NDEL1: variants seen among roughly 807,000 people sequenced by gnomAD.
NDEL1 encodes nuclear distribution protein nudE-like 1.
In NDEL1, 9 loss-of-function variants were observed where a neutral mutation model predicts 45.7. The observed-to-expected ratio is 0.20, with a 90% CI of 0.12 to 0.34. NDEL1 has a LOEUF of 0.34. NDEL1 is among the 10% of genes least tolerant of loss of function. NDEL1 has a pLI of 1.00. For missense variants in NDEL1, 306 were observed against 406.2 expected (o/e 0.75, Z 2.12); for synonymous variants, 133 against 158.6 (o/e 0.84, Z 1.21).
Position 8,446,915 on chromosome 17 carries a change from CT to C in NDEL1, c.389+14del, listed in dbSNP as rs1163482107. 1 of 1,611,684 alleles carries C rather than the reference CT, an allele frequency of 6.2e-7. No individual in the cohort carries two copies. Among genetic ancestry groups the C allele is most frequent in the East Asian group, 2.2e-5 (1 of 44,812 alleles). On this transcript the variant is annotated intron_variant, in intron 4 of 8. Coordinates refer to ENST00000334527, the MANE Select transcript of NDEL1 (RefSeq NM_030808.5). ...AGCGAGCCAAAAGGTAAACGAATGA[CT>C]GCATTTTGTTAGAAAAAAACCACCT...
At chr17:8,426,069 AG>A (rs1908823743) in intron 1 of NDEL1, among the ~76,000 whole-genome samples, 1 of 152,214 alleles carries the variant, frequency 6.6e-6, no homozygotes, top group Admixed American at 6.5e-5. Flanking sequence ...GGATTACTGG[AG>A]TAAGCCCTTG....
chr17:8,470,958 T>A (rs1412687332), downstream of NDEL1, among the ~76,000 whole-genome samples: 1 of 152,184 alleles, frequency 6.6e-6, no homozygotes, highest in Non-Finnish European at 1.5e-5. The surrounding 1 kb of genome is among the most constrained non-coding windows in gnomAD (Gnocchi z 4.2). Flanking sequence ...CTGGCACTTC[T>A]GGGAGAGGGG....
chr17:8,438,280 C>T (rs1285553855), intron 1 of NDEL1, among the ~76,000 whole-genome samples: 1 of 152,140 alleles, frequency 6.6e-6, no homozygotes. Flanking sequence ...TATCTATCTT[C>T]ATTCTAGCTT....
intron 1 of NDEL1, among the ~76,000 whole-genome samples, chr17:8,413,836 A>G (rs189331800): frequency 6.6e-6 from 1 of 152,338 alleles, no homozygotes; most frequent in East Asian, 1.9e-4. Context: ...TGTAAACTGT[A>G]TGATTGTATT....
chr17:8,454,378 G>A (rs1910702900), intron 6 of NDEL1, among the ~76,000 whole-genome samples: 1 of 149,350 alleles, frequency 6.7e-6, no homozygotes, highest in Non-Finnish European at 1.5e-5. Context: ...CTATCAAATT[G>A]TCAAAAAAAA....
At chr17:8,432,690 T>C (rs1597517031), upstream of NDEL1, among the ~76,000 whole-genome samples, 1 of 152,010 alleles carries the variant, frequency 6.6e-6, no homozygotes, top group African/African-American at 2.4e-5. Flanking sequence ...GGCCTAAAGA[T>C]TTTTTAAGAT....
intron 1 of NDEL1, chr17:8,444,038 A>G (rs112278258): frequency 2.6e-6 from 1 of 378,766 alleles, no homozygotes; most frequent in African/African-American, 2.1e-5. Flanking sequence ...GTCGCTTTGT[A>G]TCAAAGGACC....
downstream of NDEL1, among the ~76,000 whole-genome samples, chr17:8,470,678 T>C (rs750404238): frequency 5.9e-5 from 9 of 152,226 alleles, no homozygotes; most frequent in Non-Finnish European, 1.2e-4. The surrounding 1 kb of genome is among the most constrained non-coding windows in gnomAD (Gnocchi z 4.2). Flanking sequence ...AAGCCAGGCT[T>C]GGGCACGAGC....
chr17:8,460,211 G>C, intron 8 of NDEL1, 51 bp downstream of exon 8: 3 of 1,561,866 alleles, frequency 1.9e-6, no homozygotes, highest in Non-Finnish European at 2.6e-6. Context: ...AAAGTGACAG[G>C]TTAGTAAGTG....
chr17:8,460,757 C>T (rs936103954), intron 8 of NDEL1, among the ~76,000 whole-genome samples: 2 of 152,166 alleles, frequency 1.3e-5, no homozygotes, highest in East Asian at 1.9e-4. Context: ...CACACTGTTT[C>T]TGCATTCCTT....
intron 7 of NDEL1, among the ~76,000 whole-genome samples, chr17:8,457,586 C>G (rs1470448179): frequency 1.3e-5 from 2 of 152,226 alleles, no homozygotes. Flanking sequence ...CTGACTTGAA[C>G]TGGAAGCCCT....
intron 1 of NDEL1, among the ~76,000 whole-genome samples, chr17:8,436,860 A>G (rs927245812): frequency 1.3e-5 from 2 of 152,142 alleles, no homozygotes; most frequent in Admixed American, 1.3e-4. Flanking sequence ...GGGGGTAATT[A>G]TTTATACTTA....
At chr17:8,454,023 A>G (rs961394285) in intron 6 of NDEL1, among the ~76,000 whole-genome samples, 1 of 152,150 alleles carries the variant, frequency 6.6e-6, no homozygotes, top group African/African-American at 2.4e-5. Flanking sequence ...TGGAGGAAAA[A>G]ATTTAGATAT....
chr17:8,468,774 G>C (rs1911756955), downstream of NDEL1, among the ~76,000 whole-genome samples: 1 of 152,230 alleles, frequency 6.6e-6, no homozygotes, highest in Non-Finnish European at 1.5e-5. Context: ...GGGAGGCCGA[G>C]GTGGGCGGAT....
chr17:8,467,766 T>A lies in NDEL1; in HGVS notation c.*743T>A, dbSNP rs1779910020. 1 of 152,766 alleles carries A rather than the reference T, an allele frequency of 6.5e-6. No individual in the cohort carries two copies. Among genetic ancestry groups the A allele is most frequent in the Admixed American group, 6.5e-5 (1 of 15,298 alleles). The allele number at this position is 152,766 out of a possible 1,614,324, so 9.5% of individuals were successfully genotyped here. On this transcript the variant is annotated 3_prime_UTR_variant, in exon 9 of 9. Transcript: ENST00000334527. This position sits in a 1 kb window ranked among gnomAD's most constrained non-coding sequence, Gnocchi z 6.3. ...TCTCGCCAGCCTTCCCGTCCTTCAG[T>A]TCAACGACATCTTTGGAGTGTTTTT... is the stretch of plus-strand genomic sequence containing the variant.
chr17:8,468,299 AGATG>A (rs1337615896), downstream of NDEL1: 2 of 152,220 alleles, frequency 1.3e-5, no homozygotes, highest in African/African-American at 2.4e-5. Context: ...TGGCCTCCGG[AGATG>A]TCTTATGTGC....
At chr17:8,414,468 C>T (rs530055648) in intron 1 of NDEL1, among the ~76,000 whole-genome samples, 30 of 152,174 alleles carry the variant, frequency 2.0e-4, no homozygotes, top group African/African-American at 7.2e-4. Context: ...GATATCGAGA[C>T]CATCCTGGCT....
chr17:8,415,520 G>A (rs1908527619), intron 1 of NDEL1, among the ~76,000 whole-genome samples: 4 of 145,160 alleles, frequency 2.8e-5, no homozygotes, highest in South Asian at 4.4e-4. Flanking sequence ...CTGCAGCCTC[G>A]ACCTCCCTGG....
intron 7 of NDEL1, 31 bp downstream of exon 7, chr17:8,454,918 T>A (rs189285364): frequency 1.3e-6 from 2 of 1,516,076 alleles, no homozygotes; most frequent in African/African-American, 2.7e-5. Context: ...ACTAGGTGTT[T>A]CCACTGACAA....
Sources: gnomAD v4.1 joint callset for allele counts (sites outside exome capture counted in the v4.1 genomes callset) on GRCh38, gnomAD v4.1.1 for gene constraint, Gnocchi (gnomAD v3.1) non-coding constraint, MANE v1.5 for transcripts, NCBI Gene and HGNC (gene_info 2026-07-23, HGNC 2026-07-21) for gene names.